Variants in SEC14L4 observed in about 807,000 individuals in gnomAD.
SEC14L4 encodes the protein SEC14 like lipid binding 4.
SEC14L4 carries 42 observed loss-of-function variants against 55.1 expected under a neutral mutation model. That is an observed-to-expected ratio of 0.76 (90% CI 0.60 to 0.99). SEC14L4 has a LOEUF of 0.99. Ranked by LOEUF, SEC14L4 falls within the 50% of genes least tolerant of loss-of-function variation. The pLI is 0.00. For missense variants in SEC14L4, 445 were observed against 512.1 expected (o/e 0.87, Z 1.27); for synonymous variants, 206 against 206.8 (o/e 1.00, Z 0.03).
At chr22:30,495,191 C>A (rs545926407) in intron 5 of SEC14L4, 63 bp downstream of exon 5, 18 of 1,455,288 alleles carry the variant, frequency 1.2e-5, no homozygotes, top group Non-Finnish European at 1.7e-5. Flanking sequence ...AGGGTGCCAC[C>A]CTTCTCTGGT....
intron 8 of SEC14L4, 129 bp downstream of exon 8, chr22:30,492,345 G>T: frequency 8.8e-7 from 1 of 1,134,840 alleles, no homozygotes; most frequent in Non-Finnish European, 1.3e-6. Flanking sequence ...GCCCGTGCGT[G>T]TGGAGGCTCA....
At chr22:30,504,360 C>T (rs1044308096) in intron 1 of SEC14L4, among the ~76,000 whole-genome samples, 2 of 152,088 alleles carry the variant, frequency 1.3e-5, no homozygotes, top group African/African-American at 2.4e-5. Context: ...CGACTGACAG[C>T]CTTATTTCTA....
chr22:30,495,180 C>A, intron 5 of SEC14L4, 74 bp downstream of exon 5: 2 of 1,391,786 alleles, frequency 1.4e-6, no homozygotes, highest in South Asian at 2.8e-5. Context: ...TGGGGAGGGG[C>A]AGGGTGCCAC....
rs1601862572 is a variant in SEC14L4 at position 30,505,685 on chromosome 22, C to T, written c.-74G>A. The stretch of plus-strand genomic sequence containing the variant: ...CGCCGCCTGGCCTTGTATCCGCTGC[C>T]GCCTGGTTGTGCCTCCTGGGCCAGA... On this transcript the variant is annotated 5_prime_UTR_variant, in exon 1 of 12. Coordinates refer to ENST00000255858, the MANE Select transcript of SEC14L4 (RefSeq NM_174977.4). 3 of 1,417,190 alleles carry T rather than the reference C, an allele frequency of 2.1e-6. No individual in the cohort carries two copies. Among genetic ancestry groups the T allele is most frequent in the Non-Finnish European group, 2.8e-6 (3 of 1,055,764 alleles). 87.8% of individuals were successfully genotyped at this position (1,417,190 alleles called of 1,614,324 possible).
rs922802284 is a variant in SEC14L4 at position 30,489,216 on chromosome 22, A to G, written c.*891T>C. ...GCCAGGCCCCACCTCTCCATGTCCA[A>G]TGTTCTTTCTTTATTTGTTTGTTTG... On this transcript the variant is annotated 3_prime_UTR_variant, in exon 12 of 12. Coordinates refer to ENST00000255858, the MANE Select transcript of SEC14L4 (RefSeq NM_174977.4). 1 of 144,964 alleles carries G rather than the reference A, an allele frequency of 6.9e-6. No individual in the cohort carries two copies. The highest frequency in any genetic ancestry group is 1.5e-5 in the Non-Finnish European group (1 of 66,816). 9.0% of individuals were successfully genotyped at this position (144,964 alleles called of 1,614,324 possible).
chr22:30,496,104 A>T, intron 2 of SEC14L4, 133 bp from the exon 3 acceptor site: 1 of 666,580 alleles, frequency 1.5e-6, no homozygotes, highest in Non-Finnish European at 2.6e-6. Context: ...AACATCTAGA[A>T]ATGGTTGTTT....
At chr22:30,492,963 A>G (rs1334695708) in intron 7 of SEC14L4, among the ~76,000 whole-genome samples, 1 of 151,954 alleles carries the variant, frequency 6.6e-6, no homozygotes. Context: ...GCATGCTTGT[A>G]ATCCCGGCTA....
chr22:30,491,595 G>A lies in SEC14L4; in HGVS notation c.1059C>T (p.Leu353=). Residue 353 remains leucine (L), a synonymous_variant, in exon 11 of 12, where the codon CTC becomes CTT. Coordinates refer to ENST00000255858, the MANE Select transcript of SEC14L4 (RefSeq NM_174977.4). The stretch of plus-strand genomic sequence containing the variant: ...TACAGACGCCAGCCTGGAGGCAGGT[G>A]AGGCTCCCATCCTCAGGCACCATGT... ...NAHMVPEDGS[L]TCLQAGVYVL... 1 of 1,614,160 alleles carries A rather than the reference G, an allele frequency of 6.2e-7. No individual in the cohort carries two copies. The highest frequency in any genetic ancestry group is 8.5e-7 in the Non-Finnish European group (1 of 1,180,018).
At chr22:30,497,277 T>G (rs1936180852) in intron 2 of SEC14L4, among the ~76,000 whole-genome samples, 4 of 152,076 alleles carry the variant, frequency 2.6e-5, no homozygotes, top group Admixed American at 2.6e-4. Context: ...AGGCAGAGGT[T>G]GCAGTGAGCC....
At position 30,490,169 on chromosome 22, in the gene SEC14L4, C is replaced by G. The variant is rs115546021; in HGVS notation, c.1159G>C (p.Asp387His). Residue 387 changes from aspartate to histidine, a missense_variant, in exon 12 of 12, where the codon GAC becomes CAC. Asp to His is a moderately conservative substitution (Grantham distance 81). Transcript: ENST00000255858. ...LSYTVEVLLP[D>H]KASEETLQSL... ...TGCAGCGTCTCCTCAGAGGCCTTGT[C>G]GGGAAGCAGCACCTCCACAGTGTAG... 1.5e-5 allele frequency: 24 copies of G among 1,614,100 alleles called. No individual in the cohort carries two copies. The highest frequency in any genetic ancestry group is 2.0e-5 in the Non-Finnish European group (24 of 1,180,016).
intron 11 of SEC14L4, 154 bp from the exon 12 acceptor site, chr22:30,490,400 A>AC: frequency 7.8e-7 from 1 of 1,284,130 alleles, no homozygotes; most frequent in Admixed American, 2.3e-5. Flanking sequence ...GCTGTCCAGG[A>AC]CAGTGGGTGG....
intron 8 of SEC14L4, 64 bp from the exon 9 acceptor site, chr22:30,492,219 C>A (rs117676448): frequency 0.019 from 29,660 of 1,557,652 alleles, 443 homozygotes; most frequent in Middle Eastern, 0.05. Flanking sequence ...GCAGAGGGGG[C>A]TGAGCTTGGT....
intron 5 of SEC14L4, 116 bp from the exon 6 acceptor site, chr22:30,495,077 G>T: frequency 9.6e-7 from 1 of 1,038,604 alleles, no homozygotes; most frequent in Non-Finnish European, 1.4e-6. Flanking sequence ...GCAGCCCACA[G>T]CGTTTTCCAG....
chr22:30,504,652 G>GA (rs1259499687), intron 1 of SEC14L4, among the ~76,000 whole-genome samples: 7 of 151,772 alleles, frequency 4.6e-5, no homozygotes, highest in Non-Finnish European at 8.8e-5. Flanking sequence ...AGGCTTTGTG[G>GA]AAAAAAAACA....
chr22:30,502,732 G>T (rs1162676880), intron 2 of SEC14L4, among the ~76,000 whole-genome samples: 1 of 152,048 alleles, frequency 6.6e-6, no homozygotes, highest in Non-Finnish European at 1.5e-5. Flanking sequence ...TGTATTTTTT[G>T]TAGAGATGAG....
intron 6 of SEC14L4, among the ~76,000 whole-genome samples, chr22:30,494,531 C>A (rs1367183517): frequency 6.6e-6 from 1 of 152,110 alleles, no homozygotes; most frequent in Non-Finnish European, 1.5e-5. Flanking sequence ...CTGCACTGGG[C>A]TAATGTAAAA....
At chr22:30,495,142 T>C in intron 5 of SEC14L4, 112 bp downstream of exon 5, 1 of 1,160,022 alleles carries the variant, frequency 8.6e-7, no homozygotes, top group Non-Finnish European at 1.2e-6. Context: ...GAAGCCCACA[T>C]TCCACCAGAG....
chr22:30,490,404 T>C, intron 11 of SEC14L4, 158 bp from the exon 12 acceptor site: 1 of 1,234,128 alleles, frequency 8.1e-7, no homozygotes, highest in Non-Finnish European at 1.1e-6. Flanking sequence ...TCCAGGACAG[T>C]GGGTGGGGCC....
intron 2 of SEC14L4, among the ~76,000 whole-genome samples, chr22:30,501,894 T>C (rs1936342314): frequency 7.4e-6 from 1 of 135,706 alleles, no homozygotes; most frequent in Non-Finnish European, 1.6e-5. Context: ...TACTTTTTTT[T>C]TTAAGACAGA....
Sources: allele counts gnomAD v4.1 joint callset (sites outside exome capture counted in the v4.1 genomes callset), GRCh38; gene constraint gnomAD v4.1.1; transcripts MANE v1.5; gene names NCBI Gene and HGNC (gene_info 2026-07-23, HGNC 2026-07-21).